RALGPS1: variants seen among roughly 807,000 people sequenced by gnomAD.
The protein encoded by RALGPS1 is Ral GEF with PH domain and SH3 binding motif 1.
A neutral mutation model predicts 78.8 loss-of-function variants in RALGPS1; 19 were observed. The ratio of observed to expected loss-of-function variants is 0.24; its 90% CI spans 0.17 to 0.35. The LOEUF (loss-of-function observed/expected upper bound fraction) is 0.35. Ranked by LOEUF, RALGPS1 falls within the 10% of genes least tolerant of loss-of-function variation. The probability of loss-of-function intolerance (pLI) is 1.00; values close to 1 mark genes in which losing one functional copy is unlikely to be tolerated. For missense variants in RALGPS1, 454 were observed against 688.3 expected (o/e 0.66, Z 3.81); for synonymous variants, 228 against 256.3 (o/e 0.89, Z 1.06).
At chr9:127,067,772 G>A (rs200200447) in intron 7 of RALGPS1, among the ~76,000 whole-genome samples, 1 of 152,186 alleles carries the variant, frequency 6.6e-6, no homozygotes, top group African/African-American at 2.4e-5. Flanking sequence ...AATCCCAGAA[G>A]CACTAGGCCC....
At chr9:127,123,632 C>T (rs1336703552) in intron 8 of RALGPS1, among the ~76,000 whole-genome samples, 2 of 152,184 alleles carry the variant, frequency 1.3e-5, no homozygotes, top group East Asian at 3.9e-4. Flanking sequence ...ACTGGAACTG[C>T]ATCAGAGTCC....
chr9:127,174,622 C>A, intron 10 of RALGPS1, 93 bp from the exon 11 acceptor site: 1 of 1,115,016 alleles, frequency 9.0e-7, no homozygotes, highest in Non-Finnish European at 1.4e-6. Flanking sequence ...GTATTCCTGG[C>A]TTCTGTGACT....
intron 5 of RALGPS1, among the ~76,000 whole-genome samples, chr9:127,046,363 G>A (rs541308070): frequency 7.2e-5 from 11 of 152,218 alleles, no homozygotes; most frequent in Middle Eastern, 3.4e-3. Flanking sequence ...CTATCAATGG[G>A]CTTTTAAAAA....
intron 4 of RALGPS1, among the ~76,000 whole-genome samples, chr9:127,006,714 C>T (rs2043868263): frequency 6.6e-6 from 1 of 152,162 alleles, no homozygotes; most frequent in Non-Finnish European, 1.5e-5. Flanking sequence ...GTTAATAAAA[C>T]TGCCCAAGGT....
intron 11 of RALGPS1, among the ~76,000 whole-genome samples, chr9:127,189,014 A>C (rs1364355935): frequency 9.4e-5 from 14 of 149,600 alleles, no homozygotes; most frequent in African/African-American, 3.2e-4. Flanking sequence ...AAAAAAAAAA[A>C]AAAAAAAAAA....
At chr9:127,189,019 A>C (rs1469998993) in intron 11 of RALGPS1, among the ~76,000 whole-genome samples, 3 of 150,000 alleles carry the variant, frequency 2.0e-5, no homozygotes, top group Admixed American at 6.6e-5. Context: ...AAAAAAAAAA[A>C]AAAAAAAACC....
At chr9:127,052,972 G>T (rs1196717136) in intron 7 of RALGPS1, 33 bp downstream of exon 7, 8 of 1,426,272 alleles carry the variant, frequency 5.6e-6, no homozygotes, top group Non-Finnish European at 7.9e-6. Context: ...ATCTAATTTT[G>T]GCTATCATTT....
chr9:127,155,317 C>T (rs1218442356), intron 8 of RALGPS1, among the ~76,000 whole-genome samples: 1 of 152,224 alleles, frequency 6.6e-6, no homozygotes. Context: ...AGGCACAGCC[C>T]TTGCCCTGGA....
intron 4 of RALGPS1, among the ~76,000 whole-genome samples, chr9:126,981,890 C>A (rs1051193892): frequency 6.6e-6 from 1 of 152,100 alleles, no homozygotes; most frequent in Admixed American, 6.5e-5. Flanking sequence ...CAGGGTCTCT[C>A]AGGAGGTTGT....
intron 8 of RALGPS1, among the ~76,000 whole-genome samples, chr9:127,112,037 A>G (rs930061101): frequency 2.0e-5 from 3 of 152,190 alleles, no homozygotes; most frequent in Non-Finnish European, 4.4e-5. Flanking sequence ...TCTGGGCTCC[A>G]CCTTGGACCA....
chr9:127,083,438 T>TG (rs543197905), intron 8 of RALGPS1, among the ~76,000 whole-genome samples: 7 of 152,218 alleles, frequency 4.6e-5, no homozygotes, highest in Non-Finnish European at 8.8e-5. Flanking sequence ...CACAGATGGA[T>TG]GCTTGATGAG....
intron 1 of RALGPS1, among the ~76,000 whole-genome samples, chr9:126,915,886 C>T (rs960117642): frequency 6.6e-6 from 1 of 152,082 alleles, no homozygotes; most frequent in African/African-American, 2.4e-5. Context: ...CCACTGGTAC[C>T]AGAAGCTGCT....
chr9:126,922,491 G>C, intron 1 of RALGPS1, among the ~76,000 whole-genome samples: 1 of 152,176 alleles, frequency 6.6e-6, no homozygotes, highest in African/African-American at 2.4e-5. Context: ...AATATTTATG[G>C]AAAACAAGTT....
At chr9:127,058,040 T>TTC (rs1351997618) in intron 7 of RALGPS1, among the ~76,000 whole-genome samples, 1 of 152,210 alleles carries the variant, frequency 6.6e-6, no homozygotes, top group East Asian at 1.9e-4. Flanking sequence ...GCCATGTACT[T>TTC]TCAGTCAAGG....
At chr9:127,182,107 G>A (rs187410061) in intron 11 of RALGPS1, among the ~76,000 whole-genome samples, 5 of 151,646 alleles carry the variant, frequency 3.3e-5, no homozygotes, top group Admixed American at 3.3e-4. Flanking sequence ...AGAGGCTGAG[G>A]CAGGCAGATG....
At chr9:127,124,786 A>AT (rs778192401) in intron 8 of RALGPS1, among the ~76,000 whole-genome samples, 4 of 152,168 alleles carry the variant, frequency 2.6e-5, no homozygotes, top group African/African-American at 4.8e-5. Context: ...ACTTGGTTTT[A>AT]TTTTTTAAAG....
rs914057077 is a variant in RALGPS1, at chr9:127,064,137, A to G, written c.484-5093A>G. Among the ~76,000 whole-genome samples, 3 of 152,230 alleles carry G rather than the reference A, an allele frequency of 2.0e-5. 1 individual carries two copies. The highest frequency in any genetic ancestry group is 4.1e-4 in the South Asian group (2 of 4,834). ...TGCCCCAAGACTTCTAAACTTTACTAGAAGTGAAGCTAGACTTAGTGAAAT... is the reference window on the plus strand; with the variant it reads ...TGCCCCAAGACTTCTAAACTTTACTGGAAGTGAAGCTAGACTTAGTGAAAT... On this transcript the variant is annotated intron_variant, in intron 7 of 18. Coordinates refer to ENST00000259351, the MANE Select transcript of RALGPS1 (RefSeq NM_014636.3).
intron 4 of RALGPS1, among the ~76,000 whole-genome samples, chr9:126,985,411 T>C (rs2041704899): frequency 6.6e-6 from 1 of 152,220 alleles, no homozygotes; most frequent in Non-Finnish European, 1.5e-5. Context: ...TGAGGATTGC[T>C]CGTTATACTA....
intron 6 of RALGPS1, 124 bp downstream of exon 6, chr9:127,050,256 C>T (rs997014373): frequency 2.4e-6 from 2 of 824,832 alleles, no homozygotes; most frequent in African/African-American, 3.4e-5. Flanking sequence ...ACAGTTCAAA[C>T]AGGGTGCTGT....
Sources: gnomAD v4.1 joint callset for allele counts (sites outside exome capture counted in the v4.1 genomes callset) on GRCh38, gnomAD v4.1.1 for gene constraint, MANE v1.5 for transcripts, NCBI Gene and HGNC (gene_info 2026-07-23, HGNC 2026-07-21) for gene names.